The following SAMD3 variants were observed in gnomAD, a reference collection of about 807,000 sequenced individuals.
SAMD3 encodes the protein sterile alpha motif domain-containing protein 3.
In SAMD3, 63 loss-of-function variants were observed where a neutral mutation model predicts 58.5. The ratio of observed to expected loss-of-function variants is 1.08; its 90% CI spans 0.88 to 1.33. The LOEUF (loss-of-function observed/expected upper bound fraction) is 1.33, where lower values mean the gene tolerates loss of function less well. Among genes scored for constraint, SAMD3 ranks in the 40% most tolerant of loss-of-function variants. The pLI, the probability that SAMD3 is intolerant of heterozygous loss-of-function variation, is 0.00. For missense variants in SAMD3, 604 were observed against 608.4 expected (o/e 0.99, Z 0.08); for synonymous variants, 220 against 210.3 (o/e 1.05, Z -0.40).
At chr6:130,152,212 C>G (rs1000193216) in intron 9 of SAMD3, among the ~76,000 whole-genome samples, 2 of 152,070 alleles carry the variant, frequency 1.3e-5, no homozygotes, top group Non-Finnish European at 2.9e-5. Flanking sequence ...TGGTTTGGTG[C>G]AGGGACAACT....
intron 6 of SAMD3, 112 bp from the exon 7 acceptor site, chr6:130,184,299 G>C (rs573430313): frequency 3.4e-6 from 4 of 1,182,900 alleles, no homozygotes; most frequent in Middle Eastern, 4.0e-4. Flanking sequence ...ATAACAAAAA[G>C]AGATTTAAAT....
intron 5 of SAMD3, among the ~76,000 whole-genome samples, chr6:130,202,879 A>G (rs568392976): frequency 2.0e-5 from 3 of 150,138 alleles, no homozygotes; most frequent in Non-Finnish European, 4.4e-5. Flanking sequence ...TAAACGTGTC[A>G]ATTCAACACC....
chr6:130,331,488 C>T (rs1450350726), intron 1 of SAMD3, among the ~76,000 whole-genome samples: 3 of 151,944 alleles, frequency 2.0e-5, no homozygotes, highest in Admixed American at 6.6e-5. Flanking sequence ...TTTGGGAGGC[C>T]GAGGAGGGCA....
At position 130,257,171 on chromosome 6, in the gene SAMD3, C is replaced by T. The variant is rs185962679; in HGVS notation, c.-187-34358G>A. Among the ~76,000 whole-genome samples, 20 of 151,364 alleles carry T rather than the reference C, an allele frequency of 1.3e-4. 1 individual carries two copies. The highest frequency in any genetic ancestry group is 1.3e-3 in the Admixed American group (19 of 15,196). On this transcript the variant is annotated intron_variant, in intron 2 of 13. Transcript: ENST00000368134. ...TCTCTCTCTGTCTCTCTCTCTCTCT[C>T]TCCTTATAAGGACAGAGGAATAAGG...
chr6:130,298,354 G>C (rs894664392), intron 2 of SAMD3, among the ~76,000 whole-genome samples: 2 of 152,180 alleles, frequency 1.3e-5, no homozygotes, highest in Middle Eastern at 3.4e-3. Flanking sequence ...GTCATTACCA[G>C]ATCAGTCTTA....
intron 1 of SAMD3, among the ~76,000 whole-genome samples, chr6:130,347,414 G>T (rs1040217063): frequency 4.6e-5 from 7 of 152,178 alleles, no homozygotes; most frequent in African/African-American, 1.4e-4. Context: ...AATGGCACGA[G>T]AACTATGTGA....
chr6:130,227,053 A>T (rs941966797), upstream of SAMD3, among the ~76,000 whole-genome samples: 1 of 152,178 alleles, frequency 6.6e-6, no homozygotes, highest in Non-Finnish European at 1.5e-5. Flanking sequence ...AACCATCACT[A>T]TTATCCATTT....
At chr6:130,326,802 G>A (rs1429047177) in intron 1 of SAMD3, among the ~76,000 whole-genome samples, 1 of 152,192 alleles carries the variant, frequency 6.6e-6, no homozygotes, top group African/African-American at 2.4e-5. Context: ...GTCCCATAGA[G>A]GATAATGTGA....
intron 2 of SAMD3, 21 bp from the exon 3 acceptor site, chr6:130,215,315 G>T: frequency 6.8e-7 from 1 of 1,461,026 alleles, no homozygotes; most frequent in Non-Finnish European, 9.3e-7. Flanking sequence ...AAAGGTCAGA[G>T]AATTCTCCAG....
chr6:130,276,804 C>T (rs367899941), intron 2 of SAMD3, among the ~76,000 whole-genome samples: 81 of 152,152 alleles, frequency 5.3e-4, no homozygotes, highest in African/African-American at 1.8e-3. Flanking sequence ...AACTCCAAGG[C>T]TAGGTTTTTA....
At chr6:130,287,427 A>G (rs932675714) in intron 2 of SAMD3, among the ~76,000 whole-genome samples, 2 of 152,230 alleles carry the variant, frequency 1.3e-5, no homozygotes, top group African/African-American at 4.8e-5. Flanking sequence ...TGGGAGGAAC[A>G]AAAAGGGGAA....
Position 130,222,798 on chromosome 6 carries a change from G to T in SAMD3, c.-172C>A, listed in dbSNP as rs769536737. 6.6e-6 allele frequency: 1 copy of T among 152,266 alleles called. No homozygotes were observed. Among genetic ancestry groups the T allele is most frequent in the South Asian group, 2.1e-4 (1 of 4,822 alleles). 9.4% of individuals were successfully genotyped at this position (152,266 alleles called of 1,614,324 possible). On this transcript the variant is annotated 5_prime_UTR_variant, in exon 1 of 12. Coordinates refer to ENST00000439090, the MANE Select transcript of SAMD3 (RefSeq NM_001017373.4). Reference sequence around the variant, plus strand: ...AAATCCGATCAGTGGATGTGGTTCTGGTTCCTTTGTTTTATCTGAAAAATG... The same window carrying T: ...AAATCCGATCAGTGGATGTGGTTCTTGTTCCTTTGTTTTATCTGAAAAATG...
At chr6:130,330,238 T>C (rs1416670546) in intron 1 of SAMD3, among the ~76,000 whole-genome samples, 1 of 152,162 alleles carries the variant, frequency 6.6e-6, no homozygotes. Flanking sequence ...TTGAGGTGGA[T>C]AACAAAGGGC....
intron 5 of SAMD3, among the ~76,000 whole-genome samples, chr6:130,202,350 G>A (rs1032060333): frequency 6.6e-6 from 1 of 151,950 alleles, no homozygotes; most frequent in Non-Finnish European, 1.5e-5. Flanking sequence ...TGCATCACTG[G>A]TCTTCATAGC....
At chr6:130,227,417 G>A (rs1260466915), upstream of SAMD3, among the ~76,000 whole-genome samples, 1 of 152,090 alleles carries the variant, frequency 6.6e-6, no homozygotes, top group Non-Finnish European at 1.5e-5. Context: ...TTTGAATAAC[G>A]CTGATACGAA....
intron 2 of SAMD3, among the ~76,000 whole-genome samples, chr6:130,300,996 T>G (rs1161757837): frequency 1.3e-5 from 2 of 151,892 alleles, no homozygotes; most frequent in African/African-American, 2.4e-5. Flanking sequence ...CCAGCCCCGG[T>G]GTCTGATGTT....
At chr6:130,237,655 T>A (rs1037309926) in intron 2 of SAMD3, among the ~76,000 whole-genome samples, 2 of 152,180 alleles carry the variant, frequency 1.3e-5, no homozygotes, top group African/African-American at 4.8e-5. Flanking sequence ...GAAGTCAATG[T>A]TACCATCCTT....
chr6:130,355,785 A>G (rs925285881), intron 1 of SAMD3, among the ~76,000 whole-genome samples: 5 of 152,236 alleles, frequency 3.3e-5, no homozygotes, highest in East Asian at 1.9e-4. Context: ...CAAGAGGGGC[A>G]GCCCCAGAAA....
chr6:130,268,677 C>T (rs765010152), intron 2 of SAMD3, among the ~76,000 whole-genome samples: 5 of 152,070 alleles, frequency 3.3e-5, no homozygotes, highest in South Asian at 2.1e-4. Flanking sequence ...AGTATAGTAA[C>T]GTGTTGTAAA....
Sources: allele counts gnomAD v4.1 joint callset (sites outside exome capture counted in the v4.1 genomes callset), GRCh38; gene constraint gnomAD v4.1.1; transcripts MANE v1.5; gene names NCBI Gene and HGNC (gene_info 2026-07-23, HGNC 2026-07-21).